The following SH3GL3 variants were observed in gnomAD, a reference collection of about 807,000 sequenced individuals.
SH3GL3 encodes the protein endophilin-A3.
A neutral mutation model predicts 47.7 loss-of-function variants in SH3GL3; 33 were observed. That is an observed-to-expected ratio of 0.69 (90% confidence interval 0.52 to 0.92). SH3GL3 has a LOEUF of 0.92. SH3GL3 is among the 40% of genes least tolerant of loss of function. The pLI is 0.00. For missense variants in SH3GL3, 363 were observed against 417.8 expected (o/e 0.87, Z 1.14); for synonymous variants, 155 against 148.8 (o/e 1.04, Z -0.30).
chr15:83,609,516 T>C (rs553838627), intron 8 of SH3GL3: 19 of 341,844 alleles, frequency 5.6e-5, no homozygotes, highest in African/African-American at 3.2e-4. Flanking sequence ...CAGGGACTTA[T>C]GTTGACAGCG....
intron 1 of SH3GL3, among the ~76,000 whole-genome samples, chr15:83,498,529 G>A (rs1303364381): frequency 1.3e-5 from 2 of 152,138 alleles, no homozygotes; most frequent in Non-Finnish European, 2.9e-5. Context: ...ACGCTTCTGA[G>A]TATCCTCAGT....
intron 8 of SH3GL3, chr15:83,609,160 A>T (rs942141802): frequency 2.3e-6 from 1 of 426,838 alleles, no homozygotes; most frequent in African/African-American, 2.0e-5. Flanking sequence ...TATTCTAAGG[A>T]TTAAATTAGA....
chr15:83,572,620 C>G lies in SH3GL3; in HGVS notation c.387C>G (p.Asp129Glu). The G allele has an allele frequency of 6.2e-7, 1 of 1,610,376 alleles. No homozygotes were observed. The highest frequency in any genetic ancestry group is 8.5e-7 in the Non-Finnish European group (1 of 1,176,566). Reference protein sequence around the residue: ...ESMKLMAEVKDSLDINVKQTF... With the variant: ...ESMKLMAEVKESLDINVKQTF... Reference sequence around the variant, plus strand: ...TGAAGCTAATGGCTGAGGTGAAAGACTCTCTTGATATTAATGTAAAGCAAA... The same window carrying G: ...TGAAGCTAATGGCTGAGGTGAAAGAGTCTCTTGATATTAATGTAAAGCAAA... The change falls in exon 5 of 9, where the codon GAC becomes GAG. Residue 129 changes from aspartate (D) to glutamate (E), a missense_variant. By Grantham distance (45) the Asp-to-Glu change is conservative. Coordinates refer to ENST00000427482, the MANE Select transcript of SH3GL3 (RefSeq NM_003027.5).
At chr15:83,560,957 AT>A (rs1480122445) in intron 2 of SH3GL3, among the ~76,000 whole-genome samples, 1 of 152,192 alleles carries the variant, frequency 6.6e-6, no homozygotes, top group African/African-American at 2.4e-5. Flanking sequence ...GTTATGAACC[AT>A]TCTGCACTAC....
At chr15:83,630,121 T>C in the SH3GL3 span, among the ~76,000 whole-genome samples, 1 of 152,194 alleles carries the variant, frequency 6.6e-6, no homozygotes, top group African/African-American at 2.4e-5. Flanking sequence ...ATGTAAGACA[T>C]GACTTTGCTC....
chr15:83,631,845 A>G, the SH3GL3 span, among the ~76,000 whole-genome samples: 2 of 152,324 alleles, frequency 1.3e-5, no homozygotes, highest in African/African-American at 4.8e-5. Context: ...GGTGATTAAC[A>G]TTCGGCTCCT....
At chr15:83,522,485 G>C (rs192987759) in intron 1 of SH3GL3, among the ~76,000 whole-genome samples, 91 of 152,272 alleles carry the variant, frequency 6.0e-4, no homozygotes, top group African/African-American at 2.0e-3. Flanking sequence ...CTGCACTGTT[G>C]ATAAAGGAAG....
At chr15:83,545,175 G>A (rs2044337354) in intron 1 of SH3GL3, among the ~76,000 whole-genome samples, 1 of 152,016 alleles carries the variant, frequency 6.6e-6, no homozygotes, top group African/African-American at 2.4e-5. Flanking sequence ...CCCTTTTGAA[G>A]CTATTTTCTA....
At chr15:83,506,365 T>C (rs187842944) in intron 1 of SH3GL3, among the ~76,000 whole-genome samples, 50 of 152,340 alleles carry the variant, frequency 3.3e-4, no homozygotes, top group Non-Finnish European at 8.8e-5. Context: ...ACCCGTATTA[T>C]GAAGTGGGAT....
chr15:83,532,189 G>T (rs1280181655), intron 1 of SH3GL3, among the ~76,000 whole-genome samples: 2 of 152,166 alleles, frequency 1.3e-5, no homozygotes, highest in African/African-American at 4.8e-5. Flanking sequence ...AATTGTGTTT[G>T]AGGTATCTTT....
At chr15:83,512,688 G>A (rs926555159) in intron 1 of SH3GL3, among the ~76,000 whole-genome samples, 4 of 151,654 alleles carry the variant, frequency 2.6e-5, no homozygotes, top group African/African-American at 7.3e-5. Flanking sequence ...CTTCCTCCCC[G>A]TCCCTGCCTC....
In SH3GL3 at chr15:83,573,352, G is replaced by A. The variant is rs549926391; in HGVS notation, c.465+654G>A. Reference sequence around the variant, plus strand: ...AGCTTGGAGGTCATTTGAGCCTTGGGCATATCCTGTTTTCCCTTCTTCAGA... The same window carrying A: ...AGCTTGGAGGTCATTTGAGCCTTGGACATATCCTGTTTTCCCTTCTTCAGA... On this transcript the variant is annotated intron_variant, in intron 5 of 8. Coordinates refer to ENST00000427482, the MANE Select transcript of SH3GL3 (RefSeq NM_003027.5). Among the ~76,000 whole-genome samples the A allele has an allele frequency of 8.5e-5, 13 of 152,294 alleles. No homozygotes were observed. In the East Asian group the frequency reaches 2.5e-3, roughly 29 times the overall value.
At chr15:83,609,621 G>C (rs373305039) in intron 8 of SH3GL3, among the ~76,000 whole-genome samples, 1 of 152,126 alleles carries the variant, frequency 6.6e-6, no homozygotes, top group South Asian at 2.1e-4. Context: ...TGCTCTGACC[G>C]AATGCTTCCA....
chr15:83,610,187 G>T lies in SH3GL3; in HGVS notation c.839-7895G>T, dbSNP rs552038411. 2.0e-5 allele frequency among the ~76,000 whole-genome samples: 3 copies of T among 152,314 alleles called. No homozygotes were observed. The South Asian group carries it at 6.2e-4, about 32-fold the overall frequency. Reference sequence around the variant, plus strand: ...GGTATGCTGAGCTGAGGACCCAAAGGCTCATTCCAAGCCCAGCTGATGGGC... The same window carrying T: ...GGTATGCTGAGCTGAGGACCCAAAGTCTCATTCCAAGCCCAGCTGATGGGC... On this transcript the variant is annotated intron_variant, in intron 8 of 8. Transcript: ENST00000427482.
chr15:83,571,184 A>G (rs548680837), intron 4 of SH3GL3, among the ~76,000 whole-genome samples: 3 of 152,236 alleles, frequency 2.0e-5, no homozygotes, highest in Non-Finnish European at 4.4e-5. Flanking sequence ...CGACAGCGCC[A>G]GTCTCAGGCA....
At position 83,576,639 on chromosome 15, in the gene SH3GL3, A is replaced by T; in HGVS notation, c.522A>T (p.Arg174=). Residue 174 remains arginine (R), a synonymous_variant, in exon 6 of 9, where the codon CGA becomes CGT. Transcript: ENST00000427482. Reference sequence around the variant, plus strand: ...TGGATTACGATTATAAAAAGAAACGAGTAGGTAAGATACCAGACGAAGAAG... The same window carrying T: ...TGGATTACGATTATAAAAAGAAACGTGTAGGTAAGATACCAGACGAAGAAG... The part of the protein sequence containing the change: ...RRLDYDYKKK[R]VGKIPDEEVR... 1 of 1,613,736 alleles carries T rather than the reference A, an allele frequency of 6.2e-7. No individual in the cohort carries two copies. The highest frequency in any genetic ancestry group is 1.7e-4 in the Middle Eastern group (1 of 6,058).
In SH3GL3 at chr15:83,617,987, G is replaced by A. The variant is rs1567042639; in HGVS notation, c.839-95G>A. Reference sequence around the variant, plus strand: ...TTGTGGGAAGGAAGCAAGGCCTGCTGTTAAGGGTCTCTCTGAGCTTTTCCA... The same window carrying A: ...TTGTGGGAAGGAAGCAAGGCCTGCTATTAAGGGTCTCTCTGAGCTTTTCCA... On this transcript the variant is annotated intron_variant, in intron 8 of 8. Transcript: ENST00000427482. 3.2e-5 allele frequency: 27 copies of A among 841,948 alleles called. No homozygotes were observed. In the East Asian group the frequency reaches 6.7e-4, roughly 21 times the overall value. The allele number at this position is 841,948 out of a possible 1,614,324, so 52.2% of individuals were successfully genotyped here.
chr15:83,465,324 A>AT, intron 1 of SH3GL3, among the ~76,000 whole-genome samples: 1 of 151,722 alleles, frequency 6.6e-6, no homozygotes, highest in Non-Finnish European at 1.5e-5. Context: ...TAAATAAATA[A>AT]ATAAAAAAGT....
At chr15:83,501,184 G>A (rs1265078086) in intron 1 of SH3GL3, among the ~76,000 whole-genome samples, 3 of 151,864 alleles carry the variant, frequency 2.0e-5, no homozygotes, top group African/African-American at 7.3e-5. Context: ...TTGTTACACT[G>A]TTTATAGCAT....
Sources: allele counts gnomAD v4.1 joint callset (sites outside exome capture counted in the v4.1 genomes callset), GRCh38; gene constraint gnomAD v4.1.1; transcripts MANE v1.5; gene names NCBI Gene and HGNC (gene_info 2026-07-23, HGNC 2026-07-21).